Variants in PRKCH observed in about 807,000 individuals in gnomAD.
PRKCH encodes protein kinase C eta type.
Under a neutral mutation model 82.5 loss-of-function variants are expected in PRKCH, and 28 were observed. That is an observed-to-expected ratio of 0.34 (90% CI 0.25 to 0.47). PRKCH has a LOEUF of 0.47. PRKCH is among the 20% of genes least tolerant of loss of function. PRKCH has a pLI of 1.00. For synonymous variants in PRKCH, 322 were observed against 327.4 expected, an observed-to-expected ratio of 0.98 and a Z score of 0.18; for missense variants, 705 against 881.8, an observed-to-expected ratio of 0.80 and a Z score of 2.54.
chr14:61,310,337 G>A (rs1035984282), intron 1 of PRKCH, among the ~76,000 whole-genome samples: 1 of 152,154 alleles, frequency 6.6e-6, no homozygotes, highest in African/African-American at 2.4e-5. Flanking sequence ...AGATACAATG[G>A]GGGTACAGGC....
chr14:61,474,708 T>A (rs186614773), intron 9 of PRKCH, among the ~76,000 whole-genome samples: 2,595 of 152,370 alleles, frequency 0.017, 35 homozygotes, highest in Non-Finnish European at 0.024. Context: ...AGTATAATTT[T>A]AAAAAAATTT....
At chr14:61,544,478 C>T (rs2043228840) in intron 12 of PRKCH, 1 of 152,174 alleles carries the variant, frequency 6.6e-6, no homozygotes, top group Non-Finnish European at 1.5e-5. Flanking sequence ...TAGTCTGTCT[C>T]TGTCACTTTC....
intron 10 of PRKCH, among the ~76,000 whole-genome samples, chr14:61,487,413 C>A (rs1247337440): frequency 6.6e-6 from 1 of 152,122 alleles, no homozygotes; most frequent in Non-Finnish European, 1.5e-5. Context: ...TAGATCACAG[C>A]ATTTTTTTCC....
intron 1 of PRKCH, among the ~76,000 whole-genome samples, chr14:61,222,017 G>T (rs1218148328): frequency 1.3e-5 from 2 of 151,996 alleles, no homozygotes; most frequent in Non-Finnish European, 2.9e-5. Flanking sequence ...GGAAGTAGAA[G>T]GCAGCCTGCA....
chr14:61,529,852 A>G (rs888085024), intron 11 of PRKCH, among the ~76,000 whole-genome samples: 4 of 151,556 alleles, frequency 2.6e-5, no homozygotes, highest in African/African-American at 7.3e-5. Flanking sequence ...ACATGTATAC[A>G]TATGTAACTA....
chr14:61,213,620 A>G (rs1319305688), intron 1 of PRKCH, among the ~76,000 whole-genome samples: 1 of 152,204 alleles, frequency 6.6e-6, no homozygotes, highest in Non-Finnish European at 1.5e-5. Flanking sequence ...TTTCCTCTCA[A>G]ATAAACAGGG....
At chr14:61,284,962 G>T (rs1250696693) in intron 1 of PRKCH, among the ~76,000 whole-genome samples, 1 of 152,010 alleles carries the variant, frequency 6.6e-6, no homozygotes, top group Non-Finnish European at 1.5e-5. Context: ...TATTTTCTAT[G>T]TTCCTTAATG....
chr14:61,439,665 A>G (rs1883863085), intron 2 of PRKCH, among the ~76,000 whole-genome samples: 1 of 150,314 alleles, frequency 6.7e-6, no homozygotes. Flanking sequence ...TGCTGTGGCA[A>G]CAGTGGGTTA....
intron 1 of PRKCH, among the ~76,000 whole-genome samples, chr14:61,296,562 G>C (rs922503269): frequency 5.3e-5 from 8 of 152,140 alleles, no homozygotes; most frequent in Admixed American, 2.6e-4. Context: ...TCCAAGATAC[G>C]TTCAGTAGCC....
intron 1 of PRKCH, among the ~76,000 whole-genome samples, chr14:61,240,232 C>T (rs1182536258): frequency 1.3e-5 from 2 of 152,076 alleles, no homozygotes; most frequent in African/African-American, 2.4e-5. Context: ...GAAAACAGCT[C>T]CCCTGTACAG....
intron 10 of PRKCH, chr14:61,527,981 GA>G (rs1302975126): frequency 6.6e-6 from 1 of 152,120 alleles, no homozygotes; most frequent in Non-Finnish European, 1.5e-5. Context: ...CCTCCCACTA[GA>G]AGGAATTGTT....
intron 9 of PRKCH, among the ~76,000 whole-genome samples, chr14:61,484,765 T>C (rs991414874): frequency 2.7e-5 from 2 of 74,736 alleles, no homozygotes; most frequent in South Asian, 4.3e-4. Context: ...TTTGGCTTCC[T>C]TTTTTTTTTT....
At chr14:61,296,873 G>T (rs946947347) in intron 1 of PRKCH, among the ~76,000 whole-genome samples, 1 of 152,122 alleles carries the variant, frequency 6.6e-6, no homozygotes, top group Non-Finnish European at 1.5e-5. Context: ...TATGGTTTCA[G>T]GTTTGTCATG....
chr14:61,226,004 A>C (rs2044693891), intron 1 of PRKCH, among the ~76,000 whole-genome samples: 1 of 152,240 alleles, frequency 6.6e-6, no homozygotes, highest in Admixed American at 6.5e-5. Flanking sequence ...AATGAGAAGT[A>C]AAAATATCAG....
chr14:61,443,406 AG>A, intron 3 of PRKCH, 145 bp downstream of exon 3: 2 of 787,386 alleles, frequency 2.5e-6, no homozygotes, highest in Non-Finnish European at 1.8e-6. Context: ...ATGTTGACCC[AG>A]TAATTTAAAT....
chr14:61,272,597 C>A (rs1038913022), intron 1 of PRKCH, among the ~76,000 whole-genome samples: 1 of 151,978 alleles, frequency 6.6e-6, no homozygotes, highest in Non-Finnish European at 1.5e-5. Flanking sequence ...CTCAGGTGAT[C>A]CACCTGCCTC....
intron 2 of PRKCH, among the ~76,000 whole-genome samples, chr14:61,406,612 A>G (rs1881966592): frequency 6.6e-6 from 1 of 152,192 alleles, no homozygotes; most frequent in African/African-American, 2.4e-5. Context: ...ACTGTTCTTA[A>G]AATGACAACA....
Position 61,530,082 on chromosome 14 carries a change from C to G in PRKCH, c.1573-325C>G, listed in dbSNP as rs1010986750. 2.0e-5 allele frequency among the ~76,000 whole-genome samples: 3 copies of G among 152,294 alleles called. No individual in the cohort carries two copies. In the East Asian group the frequency reaches 5.8e-4, roughly 29 times the overall value. ...AAGGCTCTTGAATCCTTGAATCCTT[C>G]CCGTATGAGTGAGTGAACCCAGTCC... On this transcript the variant is annotated intron_variant, in intron 11 of 13. Coordinates refer to ENST00000332981, the MANE Select transcript of PRKCH (RefSeq NM_006255.5).
intron 10 of PRKCH, among the ~76,000 whole-genome samples, chr14:61,488,818 AGCAGTGCCAGCCCCCATCTTGAC>A (rs1221358535): frequency 1.3e-5 from 2 of 152,198 alleles, no homozygotes; most frequent in Non-Finnish European, 2.9e-5. Flanking sequence ...TTTCTGATGA[AGCAGTGCCAGCCCCCATCTTGAC>A]AAATTTTATT....
Sources: gnomAD v4.1 joint callset for allele counts (sites outside exome capture counted in the v4.1 genomes callset) on GRCh38, gnomAD v4.1.1 for gene constraint, MANE v1.5 for transcripts, NCBI Gene and HGNC (gene_info 2026-07-23, HGNC 2026-07-21) for gene names.